JCHAIN: variants seen among roughly 807,000 people sequenced by gnomAD.
The protein encoded by JCHAIN is joining chain of multimeric IgA and IgM.
Under a neutral mutation model 11.1 loss-of-function variants are expected in JCHAIN, and 5 were observed. That is an observed-to-expected ratio of 0.45 (90% CI 0.24 to 0.95). JCHAIN has a LOEUF of 0.95. JCHAIN is among the 40% of genes least tolerant of loss of function. The probability of loss-of-function intolerance (pLI) is 0.21; values close to 1 mark genes in which losing one functional copy is unlikely to be tolerated. For synonymous variants in JCHAIN, 51 were observed against 67.8 expected, an observed-to-expected ratio of 0.75 and a Z score of 1.22; for missense variants, 165 against 192.7, an observed-to-expected ratio of 0.86 and a Z score of 0.85.
intron 2 of JCHAIN, among the ~76,000 whole-genome samples, chr4:70,661,569 C>G (rs767494930): frequency 7.2e-5 from 11 of 152,108 alleles, no homozygotes; most frequent in Non-Finnish European, 1.6e-4. Context: ...GCAGGAGGAT[C>G]GCTTGAGCTC....
intron 2 of JCHAIN, among the ~76,000 whole-genome samples, chr4:70,661,443 ATC>A (rs1180721131): frequency 1.3e-5 from 2 of 152,220 alleles, no homozygotes; most frequent in Non-Finnish European, 2.9e-5. Context: ...CTTTAGTGTT[ATC>A]TGAAGTTTCA....
chr4:70,663,148 C>A (rs899274536), intron 1 of JCHAIN, among the ~76,000 whole-genome samples: 5 of 151,924 alleles, frequency 3.3e-5, no homozygotes, highest in African/African-American at 1.2e-4. Flanking sequence ...CTTTGAATGT[C>A]AACATTTATT....
chr4:70,659,199 G>C (rs1739008711), intron 2 of JCHAIN, among the ~76,000 whole-genome samples: 1 of 152,066 alleles, frequency 6.6e-6, no homozygotes, highest in Non-Finnish European at 1.5e-5. Context: ...AAAAAGGCTA[G>C]TTAAGTAACT....
At chr4:70,662,372 A>C (rs1174898248) in intron 1 of JCHAIN, 157 bp from the exon 2 acceptor site, 1 of 641,806 alleles carries the variant, frequency 1.6e-6, no homozygotes. Context: ...CTTACATCAC[A>C]GTAAAGGAAA....
rs6851449 is a variant in JCHAIN, at chr4:70,659,858, C to T, written c.188+2234G>A. Among the ~76,000 whole-genome samples, 1,364 of 152,052 alleles carry T rather than the reference C, an allele frequency of 9.0e-3. 17 individuals are homozygous for T. The highest frequency in any genetic ancestry group is 0.03 in the African/African-American group (1,261 of 41,454). ...TTCCAACCCGGGTGACAGAGGGAGA[C>T]TCCATCTCAAAATAATGATAAGAAT... On this transcript the variant is annotated intron_variant, in intron 2 of 3. Coordinates refer to ENST00000254801, the MANE Select transcript of JCHAIN (RefSeq NM_144646.4).
At chr4:70,659,272 C>T (rs1009723022) in intron 2 of JCHAIN, among the ~76,000 whole-genome samples, 4 of 151,906 alleles carry the variant, frequency 2.6e-5, no homozygotes, top group Non-Finnish European at 4.4e-5. Flanking sequence ...ATGGCAGGCT[C>T]GGCATGGTGG....
At chr4:70,664,772 G>T (rs2148529474) in intron 1 of JCHAIN, among the ~76,000 whole-genome samples, 1 of 152,278 alleles carries the variant, frequency 6.6e-6, no homozygotes, top group Non-Finnish European at 1.5e-5. Context: ...AATATAGATT[G>T]TTGAGGAGTG....
At chr4:70,657,845 A>G (rs1028925680) in intron 2 of JCHAIN, among the ~76,000 whole-genome samples, 1 of 152,192 alleles carries the variant, frequency 6.6e-6, no homozygotes, top group African/African-American at 2.4e-5. Flanking sequence ...AGGAAATCAT[A>G]AATAGGAGAG....
intron 2 of JCHAIN, 42 bp from the exon 3 acceptor site, chr4:70,657,333 C>A: frequency 8.1e-7 from 1 of 1,230,036 alleles, no homozygotes; most frequent in Non-Finnish European, 1.2e-6. Context: ...CAATGAAATG[C>A]AGATATTGTT....
At chr4:70,661,272 A>G (rs771685865) in intron 2 of JCHAIN, among the ~76,000 whole-genome samples, 7 of 152,238 alleles carry the variant, frequency 4.6e-5, no homozygotes, top group Non-Finnish European at 8.8e-5. Context: ...AGAGCTGTAT[A>G]GCATATAACT....
intron 2 of JCHAIN, among the ~76,000 whole-genome samples, chr4:70,659,455 CA>C (rs1739012673): frequency 7.3e-6 from 1 of 136,168 alleles, no homozygotes; most frequent in South Asian, 2.3e-4. Context: ...GAGACTGAGG[CA>C]GAAGAATTGC....
intron 1 of JCHAIN, 40 bp from the exon 2 acceptor site, chr4:70,662,255 G>A (rs759171490): frequency 3.2e-6 from 5 of 1,565,874 alleles, no homozygotes; most frequent in Non-Finnish European, 2.6e-6. Flanking sequence ...GAAAACAAAG[G>A]TCAATTTATA....
intron 2 of JCHAIN, among the ~76,000 whole-genome samples, chr4:70,658,997 C>T (rs1485164763): frequency 6.6e-6 from 1 of 152,170 alleles, no homozygotes; most frequent in Non-Finnish European, 1.5e-5. Flanking sequence ...ACTAAATAAA[C>T]ATTCGTTGAA....
At chr4:70,662,070 A>T in intron 2 of JCHAIN, 22 bp downstream of exon 2, 1 of 1,609,884 alleles carries the variant, frequency 6.2e-7, no homozygotes, top group Non-Finnish European at 8.5e-7. Flanking sequence ...CAGGAAAAAA[A>T]GGAATATGGA....
At chr4:70,663,792 C>T (rs1351287708) in intron 1 of JCHAIN, among the ~76,000 whole-genome samples, 2 of 151,504 alleles carry the variant, frequency 1.3e-5, no homozygotes, top group Non-Finnish European at 2.9e-5. Flanking sequence ...AACTCCTGAC[C>T]TCAGGTGATC....
intron 1 of JCHAIN, among the ~76,000 whole-genome samples, chr4:70,664,845 T>A (rs756785908): frequency 6.6e-6 from 1 of 152,206 alleles, no homozygotes; most frequent in Non-Finnish European, 1.5e-5. Flanking sequence ...GATTACTTCC[T>A]TACCAGAAAC....
chr4:70,661,996 G>C (rs933828625), intron 2 of JCHAIN, 96 bp downstream of exon 2: 22 of 1,171,348 alleles, frequency 1.9e-5, no homozygotes, highest in African/African-American at 1.8e-4. Context: ...AGCAAAAAGG[G>C]GAGTAAAGAG....
At chr4:70,660,430 G>A (rs888408174) in intron 2 of JCHAIN, among the ~76,000 whole-genome samples, 62 of 150,556 alleles carry the variant, frequency 4.1e-4, no homozygotes, top group Admixed American at 1.3e-4. Context: ...CCCCAGGCTG[G>A]AGTGCAGCAA....
In JCHAIN at chr4:70,666,508, T is replaced by G. The variant is rs373220622; in HGVS notation, c.-18A>C. The G allele has an allele frequency of 2.2e-4, 357 of 1,603,570 alleles. No individual in the cohort carries two copies. Among genetic ancestry groups the G allele is most frequent in the Admixed American group, 2.8e-4 (17 of 59,966 alleles). ...TTCTTCATCTTGACTTCACTTCTTC[T>G]GAAAAACTGGAGCAAAAAAAGTCAG... On this transcript the variant is annotated 5_prime_UTR_variant, in exon 1 of 4. Transcript: ENST00000254801.
Sources: allele counts gnomAD v4.1 joint callset (sites outside exome capture counted in the v4.1 genomes callset), GRCh38; gene constraint gnomAD v4.1.1; transcripts MANE v1.5; gene names NCBI Gene and HGNC (gene_info 2026-07-23, HGNC 2026-07-21).